Variants in RIMS1 observed in about 807,000 individuals in gnomAD.
RIMS1 encodes the protein regulating synaptic membrane exocytosis 1.
In RIMS1, 83 loss-of-function variants were observed where a neutral mutation model predicts 214.1. The ratio of observed to expected loss-of-function variants is 0.39; its 90% CI spans 0.32 to 0.47. RIMS1 has a LOEUF of 0.47. RIMS1 is among the 20% of genes least tolerant of loss of function. RIMS1 has a pLI of 0.99. For synonymous variants in RIMS1, 793 were observed against 786.8 expected (o/e 1.01, Z -0.13); for missense variants, 2,050 against 2,161.8 (o/e 0.95, Z 1.03).
Position 72,401,790 on chromosome 6 carries a change from A to G in RIMS1, c.*1076A>G, listed in dbSNP as rs9446638. ...CACATCCATCTGCCCTGGAAAGAGC[A>G]TGGTATGAGCTGTTCAATATTCCAC... is the stretch of plus-strand genomic sequence containing the variant. On this transcript the variant is annotated 3_prime_UTR_variant, in exon 34 of 34. Coordinates refer to ENST00000521978, the MANE Select transcript of RIMS1 (RefSeq NM_014989.7). 0.12 allele frequency: 17,647 copies of G among 152,732 alleles called. 1,056 individuals carry two copies. Among genetic ancestry groups the G allele is most frequent in the South Asian group, 0.14 (686 of 4,828 alleles). The allele number at this position is 152,732 out of a possible 1,614,324, so 9.5% of individuals were successfully genotyped here. A position where few individuals can be genotyped will look rare whatever the true frequency, so the allele number is the denominator to read the frequency against.
rs2067311936 is a variant in RIMS1, at chr6:72,242,318, T to C, written c.1962T>C (p.Asp654=). 1.8e-5 allele frequency: 28 copies of C among 1,558,830 alleles called. No homozygotes were observed. Among genetic ancestry groups the C allele is most frequent in the Non-Finnish European group, 2.4e-5 (28 of 1,148,870 alleles). The change falls in exon 10 of 34, where the codon GAT becomes GAC. Residue 654 remains aspartate, a synonymous_variant. Coordinates refer to ENST00000521978, the MANE Select transcript of RIMS1 (RefSeq NM_014989.7). ...ACCCTTTTTTTTAAATTCAAGGGGA[T>C]GAAGTTCTAGAATGGAATGGTAAAC... The part of the protein sequence containing the change: ...ADVVGHLRAG[D]EVLEWNGKPL...
chr6:72,082,334 C>T (rs1474442089), intron 2 of RIMS1, among the ~76,000 whole-genome samples: 1 of 152,090 alleles, frequency 6.6e-6, no homozygotes, highest in Non-Finnish European at 1.5e-5. Flanking sequence ...TAATATTTTA[C>T]TGAGTACTTA....
intron 6 of RIMS1, among the ~76,000 whole-genome samples, chr6:72,191,990 A>G (rs762204745): frequency 1.3e-5 from 2 of 152,216 alleles, no homozygotes; most frequent in Non-Finnish European, 1.5e-5. Context: ...AGGCAGCTCT[A>G]CAGGCTTCCA....
At chr6:72,001,090 A>G (rs78770021) in intron 2 of RIMS1, among the ~76,000 whole-genome samples, 17,504 of 152,074 alleles carry the variant, frequency 0.12, 1,205 homozygotes, top group South Asian at 0.19. Flanking sequence ...AAGGTCATCA[A>G]TTTCACTCAT....
At chr6:72,279,817 C>CTT (rs988909072) in intron 23 of RIMS1, among the ~76,000 whole-genome samples, 17 of 151,982 alleles carry the variant, frequency 1.1e-4, no homozygotes, top group South Asian at 6.2e-4. Flanking sequence ...CTTTTGTGGA[C>CTT]TAAGTTTCCT....
At chr6:72,270,208 T>C (rs1162452680) in intron 22 of RIMS1, among the ~76,000 whole-genome samples, 2 of 152,168 alleles carry the variant, frequency 1.3e-5, no homozygotes, top group Non-Finnish European at 2.9e-5. Flanking sequence ...ATAGATATCA[T>C]AGGTCTTGTT....
chr6:71,934,000 G>A (rs556634372), intron 1 of RIMS1, among the ~76,000 whole-genome samples: 1 of 152,092 alleles, frequency 6.6e-6, no homozygotes, highest in African/African-American at 2.4e-5. Flanking sequence ...GCAGGTAAAG[G>A]TATACTTGAA....
At chr6:71,908,888 T>C (rs571410419) in intron 1 of RIMS1, among the ~76,000 whole-genome samples, 34 of 152,322 alleles carry the variant, frequency 2.2e-4, no homozygotes, top group African/African-American at 7.5e-4. Context: ...AAAGAGTATG[T>C]ATTTAAGCCT....
intron 1 of RIMS1, among the ~76,000 whole-genome samples, chr6:71,959,832 G>A (rs930292275): frequency 6.6e-6 from 1 of 152,068 alleles, no homozygotes; most frequent in African/African-American, 2.4e-5. Flanking sequence ...ATGATGAACT[G>A]TGCTTCTAAG....
chr6:72,286,253 G>A (rs942118658), intron 24 of RIMS1, among the ~76,000 whole-genome samples: 1 of 151,994 alleles, frequency 6.6e-6, no homozygotes, highest in Admixed American at 6.6e-5. Context: ...ATATATTAAG[G>A]ATACATCAGT....
At chr6:72,120,046 T>G (rs2037928068) in intron 4 of RIMS1, among the ~76,000 whole-genome samples, 1 of 151,904 alleles carries the variant, frequency 6.6e-6, no homozygotes, top group African/African-American at 2.4e-5. Context: ...CTTAATCCAG[T>G]CTATCATTGA....
At chr6:72,172,242 T>C (rs1006874172) in intron 4 of RIMS1, among the ~76,000 whole-genome samples, 2 of 151,144 alleles carry the variant, frequency 1.3e-5, no homozygotes, top group African/African-American at 4.9e-5. Flanking sequence ...CAATAAATGG[T>C]AAATGATCAA....
intron 2 of RIMS1, among the ~76,000 whole-genome samples, chr6:72,036,797 T>C (rs1258435390): frequency 6.6e-6 from 1 of 152,188 alleles, no homozygotes; most frequent in Non-Finnish European, 1.5e-5. Context: ...CCATCTAAAG[T>C]GCAGAGCTGT....
intron 16 of RIMS1, among the ~76,000 whole-genome samples, chr6:72,254,390 A>C (rs1431343666): frequency 6.6e-6 from 1 of 152,158 alleles, no homozygotes; most frequent in Non-Finnish European, 1.5e-5. Context: ...TTCACACAAA[A>C]TGTAACATCA....
At chr6:72,311,830 G>T (rs1310391630) in intron 27 of RIMS1, among the ~76,000 whole-genome samples, 2 of 152,092 alleles carry the variant, frequency 1.3e-5, no homozygotes, top group Non-Finnish European at 2.9e-5. Context: ...AACTAGCCAG[G>T]TGTGGCACCG....
intron 2 of RIMS1, among the ~76,000 whole-genome samples, chr6:72,012,312 A>G (rs1811005539): frequency 6.6e-6 from 1 of 152,040 alleles, no homozygotes; most frequent in South Asian, 2.1e-4. Context: ...GGGGAACATG[A>G]CACACTGGGC....
At chr6:71,960,798 A>G (rs1207960548) in intron 1 of RIMS1, among the ~76,000 whole-genome samples, 1 of 152,140 alleles carries the variant, frequency 6.6e-6, no homozygotes, top group Non-Finnish European at 1.5e-5. Flanking sequence ...AGAAAGAAAG[A>G]GAGTTAGCTA....
chr6:72,258,918 T>C, intron 17 of RIMS1, 68 bp from the exon 18 acceptor site: 1 of 1,481,802 alleles, frequency 6.7e-7, no homozygotes, highest in South Asian at 1.1e-5. Context: ...GTTCCTTCAC[T>C]TTAGTCTGTC....
At chr6:71,965,727 A>G (rs1249942689) in intron 1 of RIMS1, among the ~76,000 whole-genome samples, 1 of 151,992 alleles carries the variant, frequency 6.6e-6, no homozygotes, top group African/African-American at 2.4e-5. Flanking sequence ...AAGACTGTCG[A>G]AGAGCCCCAA....
Sources: gnomAD v4.1 joint callset for allele counts (sites outside exome capture counted in the v4.1 genomes callset) on GRCh38, gnomAD v4.1.1 for gene constraint, MANE v1.5 for transcripts, NCBI Gene and HGNC (gene_info 2026-07-23, HGNC 2026-07-21) for gene names.